PTPRU: variants seen among roughly 807,000 people sequenced by gnomAD.
The protein encoded by PTPRU is protein tyrosine phosphatase receptor type U.
In PTPRU, 69 loss-of-function variants were observed where a neutral mutation model predicts 166.3. The ratio of observed to expected loss-of-function variants is 0.41; its 90% confidence interval spans 0.34 to 0.51. The LOEUF is 0.51. Among genes scored for constraint, PTPRU ranks in the 20% least tolerant of loss-of-function variants. The pLI is 0.09. For missense variants in PTPRU, 1,657 were observed against 2,013.7 expected (o/e 0.82, Z 3.39); for synonymous variants, 793 against 814.0 (o/e 0.97, Z 0.44).
rs763165419 is a variant in PTPRU at position 29,325,675 on chromosome 1, TGGG to T, written c.*16_*18del. The T allele has an allele frequency of 6.3e-7, 1 of 1,590,662 alleles. No individual in the cohort carries two copies. The highest frequency in any genetic ancestry group is 1.3e-5 in the African/African-American group (1 of 74,636). The stretch of plus-strand genomic sequence containing the variant: ...GAGTCAAGATAGCGGGGCCCTGGCC[TGGG>T]GCACCCACTGCACACTCAGGGCCAG... On this transcript the variant is annotated 3_prime_UTR_variant, in exon 30 of 30. Transcript: ENST00000373779.
chr1:29,282,023 G>T (rs1686101512), intron 11 of PTPRU, among the ~76,000 whole-genome samples: 1 of 152,220 alleles, frequency 6.6e-6, no homozygotes, highest in South Asian at 2.1e-4. Context: ...GGGCAGTCAG[G>T]ATCCTGAAAC....
rs974124276 is a variant in PTPRU at position 29,315,563 on chromosome 1, G to A, written c.3363+56G>A. ...ATTACTTCTAGGACTGGAGTTTCTC[G>A]TGAAGGATCCTGGAGCCGGCAGAGC... On this transcript the variant is annotated intron_variant, in intron 23 of 29. Transcript: ENST00000373779. The surrounding 1 kb of genome is among the most constrained non-coding windows in gnomAD (Gnocchi z 4.5). 3.1e-5 allele frequency: 50 copies of A among 1,607,420 alleles called. No individual in the cohort carries two copies. Among genetic ancestry groups the A allele is most frequent in the African/African-American group, 1.2e-4 (9 of 74,816 alleles).
Position 29,260,067 on chromosome 1 carries a change from G to A in PTPRU, c.850+23G>A. 7.2e-7 allele frequency: 1 copy of A among 1,391,312 alleles called. No homozygotes were observed. Among genetic ancestry groups the A allele is most frequent in the Non-Finnish European group, 9.3e-7 (1 of 1,077,182 alleles). The allele number at this position is 1,391,312 out of a possible 1,614,324, so 86.2% of individuals were successfully genotyped here. A position where few individuals can be genotyped will look rare whatever the true frequency, so the allele number is the denominator to read the frequency against. ...AGGGTCAGCTGGTGGACGCCGGGGA[G>A]CGCCGGGACCTCACCCTCGAGGGGC... is the stretch of plus-strand genomic sequence containing the variant. On this transcript the variant is annotated intron_variant, in intron 6 of 29. Transcript: ENST00000373779. This position sits in a 1 kb window ranked among gnomAD's most constrained non-coding sequence, Gnocchi z 8.3.
intron 2 of PTPRU, among the ~76,000 whole-genome samples, chr1:29,256,812 A>G (rs1333560917): frequency 6.6e-6 from 1 of 152,024 alleles, no homozygotes; most frequent in Non-Finnish European, 1.5e-5. Flanking sequence ...ATTGGAATTC[A>G]CCTCTTATAG....
At position 29,320,407 on chromosome 1, in the gene PTPRU, G is replaced by A. The variant is rs1275881674; in HGVS notation, c.3688-278G>A. 2.9e-6 allele frequency: 1 copy of A among 350,404 alleles called. No individual in the cohort carries two copies. Among genetic ancestry groups the A allele is most frequent in the African/African-American group, 2.1e-5 (1 of 47,702 alleles). 21.7% of individuals were successfully genotyped at this position (350,404 alleles called of 1,614,324 possible). ...TCGGCCAGCCTCTGCCTTGAGCTCA[G>A]CCTCATGCCCAAGCTCCCCTCGCCA... On this transcript the variant is annotated intron_variant, in intron 25 of 29. Coordinates refer to ENST00000373779, the MANE Select transcript of PTPRU (RefSeq NM_133178.4). The surrounding 1 kb of genome is among the most constrained non-coding windows in gnomAD (Gnocchi z 5.2).
intron 1 of PTPRU, among the ~76,000 whole-genome samples, chr1:29,254,158 G>GCGCTTGCTTCCTCGC (rs1684672414): frequency 1.3e-5 from 2 of 152,202 alleles, no homozygotes; most frequent in Non-Finnish European, 2.9e-5. Flanking sequence ...GGCATGGTTT[G>GCGCTTGCTTCCTCGC]CGCTTGCTTC....
chr1:29,240,353 T>C (rs1270606453), intron 1 of PTPRU, among the ~76,000 whole-genome samples: 1 of 152,238 alleles, frequency 6.6e-6, no homozygotes, highest in Non-Finnish European at 1.5e-5. Context: ...AGTTTACTTC[T>C]GAATCTTAGT....
At chr1:29,290,308 C>T (rs758785920) in intron 14 of PTPRU, among the ~76,000 whole-genome samples, 1 of 152,208 alleles carries the variant, frequency 6.6e-6, no homozygotes, top group Non-Finnish European at 1.5e-5. Flanking sequence ...GTCCTCACAA[C>T]AGCTCTGAGA....
Position 29,320,951 on chromosome 1 carries a change from A to G in PTPRU, c.3828+126A>G. The G allele has an allele frequency of 9.1e-7, 1 of 1,102,044 alleles. No individual in the cohort carries two copies. The highest frequency in any genetic ancestry group is 1.2e-6 in the Non-Finnish European group (1 of 818,702). 68.3% of individuals were successfully genotyped at this position (1,102,044 alleles called of 1,614,324 possible). A position where few individuals can be genotyped will look rare whatever the true frequency, so the allele number is the denominator to read the frequency against. On this transcript the variant is annotated intron_variant, in intron 26 of 29. Coordinates refer to ENST00000373779, the MANE Select transcript of PTPRU (RefSeq NM_133178.4). The surrounding 1 kb of genome is among the most constrained non-coding windows in gnomAD (Gnocchi z 5.2). ...CCATCTATTTATTGTGTGATGAATC[A>G]TACACCTTCCCAGAGCCTCAGTTTC...
At chr1:29,277,154 G>A (rs1276717972) in intron 8 of PTPRU, among the ~76,000 whole-genome samples, 4 of 152,168 alleles carry the variant, frequency 2.6e-5, no homozygotes, top group African/African-American at 9.7e-5. Flanking sequence ...AGGCTGGAGT[G>A]CAGTGGCACA....
At chr1:29,278,916 G>T in intron 8 of PTPRU, 96 bp from the exon 9 acceptor site, 1 of 935,782 alleles carries the variant, frequency 1.1e-6, no homozygotes, top group South Asian at 1.5e-5. Context: ...AATAGTCCAT[G>T]AGAACCAGGT....
chr1:29,277,900 C>T (rs1685889728), intron 8 of PTPRU, among the ~76,000 whole-genome samples: 1 of 141,212 alleles, frequency 7.1e-6, no homozygotes, highest in African/African-American at 2.6e-5. Flanking sequence ...CTCACTGCAA[C>T]CTCTGCCTTC....
In PTPRU at chr1:29,317,623, CTG is replaced by C; in HGVS notation, c.3514-124_3514-123del. On this transcript the variant is annotated intron_variant, in intron 24 of 29. Coordinates refer to ENST00000373779, the MANE Select transcript of PTPRU (RefSeq NM_133178.4). This position sits in a 1 kb window ranked among gnomAD's most constrained non-coding sequence, Gnocchi z 5.6. ...GGCTCCGTGCCCTGTACCCTTCTCT[CTG>C]GACCTCAGTTTCTCCATCCATAAAA... 1 of 1,144,824 alleles carries C rather than the reference CTG, an allele frequency of 8.7e-7. No individual in the cohort carries two copies. The highest frequency in any genetic ancestry group is 1.2e-6 in the Non-Finnish European group (1 of 814,550). 70.9% of individuals were successfully genotyped at this position (1,144,824 alleles called of 1,614,324 possible).
At position 29,311,597 on chromosome 1, in the gene PTPRU, G is replaced by A. The variant is rs1484991041; in HGVS notation, c.2955+44G>A. ...CGAGCTGGGGCGCATGGCAGGCCAA[G>A]GGGGCAGCAAAGAGCCCACTGAGTC... On this transcript the variant is annotated intron_variant, in intron 20 of 29. Transcript: ENST00000373779. The surrounding 1 kb of genome is among the most constrained non-coding windows in gnomAD (Gnocchi z 4.1). 13 of 1,614,030 alleles carry A rather than the reference G, an allele frequency of 8.1e-6. No individual in the cohort carries two copies. The highest frequency in any genetic ancestry group is 6.6e-5 in the South Asian group (6 of 91,076).
At chr1:29,297,131 G>A (rs544568011) in intron 15 of PTPRU, among the ~76,000 whole-genome samples, 1 of 142,176 alleles carries the variant, frequency 7.0e-6, no homozygotes, top group African/African-American at 2.7e-5. Flanking sequence ...CTGGCTCACT[G>A]CAACCCTCTG....
At chr1:29,253,757 G>C (rs1027770931) in intron 1 of PTPRU, among the ~76,000 whole-genome samples, 4 of 151,886 alleles carry the variant, frequency 2.6e-5, no homozygotes, top group African/African-American at 9.7e-5. Flanking sequence ...ACCTCTTTTG[G>C]TGGGAAGCTT....
chr1:29,281,117 T>TG lies in PTPRU; in HGVS notation c.1868+984dup, dbSNP rs143002311. ...CTGGGAGAGGGTGACAGCCTTTAGG[T>TG]GGGGGGGGTGTGAGGGTCCTAGTCA... On this transcript the variant is annotated intron_variant, in intron 11 of 29. Coordinates refer to ENST00000373779, the MANE Select transcript of PTPRU (RefSeq NM_133178.4). 9.3e-3 allele frequency among the ~76,000 whole-genome samples: 1,403 copies of TG among 151,374 alleles called. 14 individuals are homozygous for TG. The highest frequency in any genetic ancestry group is 0.033 in the East Asian group (167 of 5,132).
intron 7 of PTPRU, among the ~76,000 whole-genome samples, chr1:29,269,771 C>T (rs1207472830): frequency 6.6e-6 from 1 of 152,106 alleles, no homozygotes; most frequent in African/African-American, 2.4e-5. Flanking sequence ...TCATCCTAGC[C>T]CAACAGCTGT....
chr1:29,284,037 G>A (rs1227664920), intron 13 of PTPRU, 61 bp downstream of exon 13: 2 of 1,599,194 alleles, frequency 1.3e-6, no homozygotes, highest in African/African-American at 2.7e-5. Flanking sequence ...CCAGCGCTGG[G>A]GAGGTGGATC....
Sources: allele counts gnomAD v4.1 joint callset (sites outside exome capture counted in the v4.1 genomes callset), GRCh38; gene constraint gnomAD v4.1.1; non-coding constraint Gnocchi (gnomAD v3.1); transcripts MANE v1.5; gene names NCBI Gene and HGNC (gene_info 2026-07-23, HGNC 2026-07-21).